Variants in SLC8A1 observed in about 807,000 individuals in gnomAD.
The protein encoded by SLC8A1 is solute carrier family 8 member A1.
A neutral mutation model predicts 68.3 loss-of-function variants in SLC8A1; 18 were observed. The ratio of observed to expected loss-of-function variants is 0.26; its 90% CI spans 0.18 to 0.39. The LOEUF is 0.39. Among genes scored for constraint, SLC8A1 ranks in the 10% least tolerant of loss-of-function variants. The pLI, the probability that SLC8A1 is intolerant of heterozygous loss-of-function variation, is 1.00. For synonymous variants in SLC8A1, 475 were observed against 415.5 expected (o/e 1.14, Z -1.74); for missense variants, 985 against 1,156.7 (o/e 0.85, Z 2.15).
Position 40,187,238 on chromosome 2 carries a change from G to A in SLC8A1, c.1809-9383C>T, listed in dbSNP as rs552769053. On this transcript the variant is annotated intron_variant, in intron 2 of 7. Coordinates refer to ENST00000406785, the Ensembl canonical transcript of SLC8A1. ...TTCTCATTCACCACTAGCAGGATAC[G>A]CACAGGGATCTGAAGTCATGCTTTT... 9.8e-5 allele frequency among the ~76,000 whole-genome samples: 15 copies of A among 152,302 alleles called. No homozygotes were observed. The East Asian group carries it at 2.7e-3, about 27-fold the overall frequency.
rs556806462 is a variant in SLC8A1, at chr2:40,205,684, A to G, written c.1809-27829T>C. Among the ~76,000 whole-genome samples the G allele has an allele frequency of 5.3e-5, 8 of 152,104 alleles. No individual in the cohort carries two copies. The South Asian group carries it at 1.2e-3, about 24-fold the overall frequency. On this transcript the variant is annotated intron_variant, in intron 2 of 7. Coordinates refer to ENST00000406785, the Ensembl canonical transcript of SLC8A1. ...TGGGAGGAGAGAGAGGATGAGGAAA[A>G]ATAACTAATGGGTACTAGGCTTAAT... is the stretch of plus-strand genomic sequence containing the variant.
rs761964397 is a variant in SLC8A1, at chr2:40,428,785, T to C, written c.1496A>G (p.Lys499Arg). 4 of 1,613,854 alleles carry C rather than the reference T, an allele frequency of 2.5e-6. No homozygotes were observed. Among genetic ancestry groups the C allele is most frequent in the East Asian group, 2.2e-5 (1 of 44,862 alleles). Residue 499 changes from lysine to arginine, a missense_variant, in exon 2 of 8, where the codon AAA becomes AGA. Physicochemically the swap from Lys to Arg is conservative, Grantham distance 26 (BLOSUM62 2). Transcript: ENST00000406785. ...ATCTTCTGAAGCTTCAGAAGATACT[T>C]TGACATTGCTGAGATGCACAAGGAA...
intron 1 of SLC8A1, among the ~76,000 whole-genome samples, chr2:40,441,521 C>G (rs1291222834): frequency 1.3e-5 from 2 of 152,058 alleles, no homozygotes; most frequent in Non-Finnish European, 2.9e-5. Context: ...TATACTACTA[C>G]AAGACTACAG....
chr2:40,492,524 C>T (rs1208738759), intron 1 of SLC8A1, among the ~76,000 whole-genome samples: 1 of 151,658 alleles, frequency 6.6e-6, no homozygotes. Flanking sequence ...AGCTTCTGCA[C>T]AGCAAAAGAA....
At chr2:40,301,772 G>A in intron 2 of SLC8A1, among the ~76,000 whole-genome samples, 1 of 152,144 alleles carries the variant, frequency 6.6e-6, no homozygotes, top group Non-Finnish European at 1.5e-5. Flanking sequence ...AGGTTTTGGG[G>A]AAAACAGGTG....
intron 1 of SLC8A1, among the ~76,000 whole-genome samples, chr2:40,457,404 T>C (rs1469797314): frequency 1.3e-5 from 2 of 152,208 alleles, no homozygotes; most frequent in East Asian, 3.8e-4. Flanking sequence ...TCCCTCGCTG[T>C]ATCTTCAATT....
At chr2:40,324,485 T>A (rs1436093436) in intron 2 of SLC8A1, among the ~76,000 whole-genome samples, 1 of 152,194 alleles carries the variant, frequency 6.6e-6, no homozygotes, top group Non-Finnish European at 1.5e-5. Flanking sequence ...AACTCAGAAG[T>A]ATTCTTCCCC....
intron 2 of SLC8A1, among the ~76,000 whole-genome samples, chr2:40,206,588 A>T (rs1220534834): frequency 1.3e-5 from 2 of 152,076 alleles, no homozygotes; most frequent in Non-Finnish European, 2.9e-5. Context: ...AGGTTTTAAT[A>T]AAAATTAAAA....
At chr2:40,326,446 A>AT (rs1449631937) in intron 2 of SLC8A1, among the ~76,000 whole-genome samples, 15 of 142,884 alleles carry the variant, frequency 1.0e-4, no homozygotes, top group Non-Finnish European at 2.1e-4. Flanking sequence ...CAGGGAAGAG[A>AT]TAAAAAAAAA....
intron 1 of SLC8A1, among the ~76,000 whole-genome samples, chr2:40,434,228 A>C (rs553188298): frequency 1.6e-4 from 24 of 152,192 alleles, no homozygotes; most frequent in Non-Finnish European, 3.2e-4. Flanking sequence ...TTAACTAAAA[A>C]CATTACAATT....
intron 2 of SLC8A1, among the ~76,000 whole-genome samples, chr2:40,329,755 C>G (rs1480997415): frequency 1.3e-5 from 2 of 152,134 alleles, no homozygotes; most frequent in African/African-American, 2.4e-5. Context: ...GAGCTTTAAG[C>G]AGGGAAGACT....
chr2:40,335,970 A>G (rs1665850431), intron 2 of SLC8A1, among the ~76,000 whole-genome samples: 1 of 152,234 alleles, frequency 6.6e-6, no homozygotes, highest in Admixed American at 6.5e-5. Context: ...GAGAAAGGAA[A>G]AGTCCATGAA....
intron 1 of SLC8A1, among the ~76,000 whole-genome samples, chr2:40,477,213 G>A (rs909367049): frequency 1.4e-4 from 21 of 151,756 alleles, no homozygotes; most frequent in Non-Finnish European, 8.8e-5. Flanking sequence ...TTTATTTTTA[G>A]TAGTCTGAAC....
chr2:40,483,814 G>C (rs114300781), intron 1 of SLC8A1, among the ~76,000 whole-genome samples: 2 of 152,164 alleles, frequency 1.3e-5, no homozygotes, highest in Admixed American at 1.3e-4. Flanking sequence ...CATGGTCCAC[G>C]AGACAGTACA....
chr2:40,289,524 T>A (rs1386336669), intron 2 of SLC8A1, among the ~76,000 whole-genome samples: 2 of 151,924 alleles, frequency 1.3e-5, no homozygotes, highest in African/African-American at 4.8e-5. Context: ...ATATATTGGT[T>A]CCCTAGAAAG....
At chr2:40,482,006 G>A (rs1382691808) in intron 1 of SLC8A1, among the ~76,000 whole-genome samples, 1 of 152,136 alleles carries the variant, frequency 6.6e-6, no homozygotes, top group Non-Finnish European at 1.5e-5. Context: ...ACAGAGATTT[G>A]TAGAACCTGT....
Position 40,221,246 on chromosome 2 carries a change from T to C in SLC8A1, c.1809-43391A>G, listed in dbSNP as rs12469422. On this transcript the variant is annotated intron_variant, in intron 2 of 7. Coordinates refer to ENST00000406785, the Ensembl canonical transcript of SLC8A1. ...TTCAACATATGCAAATCAATAAACA[T>C]AATACAACACATAAACAGAACCAAT... 3.3e-3 allele frequency among the ~76,000 whole-genome samples: 501 copies of C among 152,256 alleles called. 17 individuals carry two copies. The East Asian group carries it at 0.048, about 15-fold the overall frequency.
At chr2:40,363,737 G>GA (rs1275948129) in intron 2 of SLC8A1, among the ~76,000 whole-genome samples, 4 of 151,996 alleles carry the variant, frequency 2.6e-5, no homozygotes. Flanking sequence ...GCCTCGCTTG[G>GA]ATGATTAATA....
intron 2 of SLC8A1, among the ~76,000 whole-genome samples, chr2:40,188,474 T>G (rs1157080150): frequency 1.3e-5 from 2 of 152,260 alleles, no homozygotes; most frequent in South Asian, 2.1e-4. Flanking sequence ...GATTTCAGAC[T>G]GCTGGTTGCC....
Sources: gnomAD v4.1 joint callset for allele counts (sites outside exome capture counted in the v4.1 genomes callset) on GRCh38, gnomAD v4.1.1 for gene constraint, MANE v1.5 for transcripts, NCBI Gene and HGNC (gene_info 2026-07-23, HGNC 2026-07-21) for gene names.